The following ARPP19 variants were observed in gnomAD, a reference collection of about 807,000 sequenced individuals.
ARPP19 encodes the protein cAMP regulated phosphoprotein 19.
A neutral mutation model predicts 12.0 loss-of-function variants in ARPP19; 8 were observed. That is an observed-to-expected ratio of 0.67 (90% CI 0.39 to 1.21). The LOEUF (loss-of-function observed/expected upper bound fraction) is 1.21, where lower values mean the gene tolerates loss of function less well. Ranked by LOEUF, ARPP19 falls within the 50% of genes most tolerant of loss-of-function variation. The pLI is 0.01. For synonymous variants in ARPP19, 47 were observed against 50.4 expected (o/e 0.93, Z 0.29); for missense variants, 102 against 136.3 (o/e 0.75, Z 1.25).
rs1026522571 is a variant in ARPP19 at position 52,549,077 on chromosome 15, G to A, written c.*2857C>T. On this transcript the variant is annotated 3_prime_UTR_variant, in exon 3 of 3. Transcript: ENST00000249822. Reference sequence around the variant, plus strand: ...GAACCATGTCAGATGCTGCGTTCAAGAATGAAATGTTCCTCAAAACTGTTC... The same window carrying A: ...GAACCATGTCAGATGCTGCGTTCAAAAATGAAATGTTCCTCAAAACTGTTC... 4 of 152,216 alleles carry A rather than the reference G, an allele frequency of 2.6e-5. No homozygotes were observed. The highest frequency in any genetic ancestry group is 9.7e-5 in the African/African-American group (4 of 41,450). 9.4% of individuals were successfully genotyped at this position (152,216 alleles called of 1,614,324 possible).
chr15:52,565,676 G>A (rs1045533480), intron 1 of ARPP19, among the ~76,000 whole-genome samples: 1 of 152,094 alleles, frequency 6.6e-6, no homozygotes, highest in African/African-American at 2.4e-5. Context: ...CTCTTAAAAG[G>A]GGAACTGAGC....
At chr15:52,559,221 A>G (rs924916329) in intron 1 of ARPP19, among the ~76,000 whole-genome samples, 11 of 152,186 alleles carry the variant, frequency 7.2e-5, no homozygotes, top group African/African-American at 2.7e-4. Flanking sequence ...GCACTTAGCC[A>G]GAAATAGAGA....
rs1263035241 is a variant in ARPP19 at position 52,549,746 on chromosome 15, T to C, written c.*2188A>G. The C allele has an allele frequency of 6.6e-6, 1 of 152,626 alleles. No homozygotes were observed. Among genetic ancestry groups the C allele is most frequent in the Non-Finnish European group, 1.5e-5 (1 of 68,040 alleles). The allele number at this position is 152,626 out of a possible 1,614,324, so 9.5% of individuals were successfully genotyped here. ...AATCTTTCATGTGTGAATTTAATGG[T>C]AATTACTTGCAAATATTCATGAAAA... On this transcript the variant is annotated 3_prime_UTR_variant, in exon 3 of 3. Coordinates refer to ENST00000249822, the MANE Select transcript of ARPP19 (RefSeq NM_006628.6).
At chr15:52,562,502 C>T (rs944735860) in intron 1 of ARPP19, among the ~76,000 whole-genome samples, 1 of 151,876 alleles carries the variant, frequency 6.6e-6, no homozygotes, top group Non-Finnish European at 1.5e-5. Flanking sequence ...TTGGCCTTTA[C>T]AAAAAAAATT....
At chr15:52,562,192 A>C (rs1055085150) in intron 1 of ARPP19, among the ~76,000 whole-genome samples, 1 of 152,180 alleles carries the variant, frequency 6.6e-6, no homozygotes, top group Non-Finnish European at 1.5e-5. Flanking sequence ...GCTATAAAAG[A>C]TAAAGTAGTT....
intron 1 of ARPP19, 148 bp from the exon 2 acceptor site, chr15:52,557,370 A>G: frequency 1.6e-6 from 1 of 639,460 alleles, no homozygotes; most frequent in South Asian, 2.0e-5. Context: ...AGCCTTTAAA[A>G]CATCTCTATC....
intron 2 of ARPP19, 47 bp from the exon 3 acceptor site, chr15:52,552,151 T>C (rs1337601011): frequency 8.8e-7 from 1 of 1,139,748 alleles, no homozygotes; most frequent in African/African-American, 1.5e-5. Flanking sequence ...TAGCAATTAC[T>C]GATTTAAGAT....
At chr15:52,557,359 A>G (rs1184913151) in intron 1 of ARPP19, 137 bp from the exon 2 acceptor site, 4 of 682,512 alleles carry the variant, frequency 5.9e-6, no homozygotes, top group South Asian at 2.0e-5. Flanking sequence ...TCAAACCCAG[A>G]AGCCTTTAAA....
rs1045160022 is a variant in ARPP19, at chr15:52,551,750, G to C, written c.*184C>G. 5.2e-6 allele frequency: 3 copies of C among 574,674 alleles called. No individual in the cohort carries two copies. The highest frequency in any genetic ancestry group is 3.3e-5 in the Admixed American group (1 of 30,580). 35.6% of individuals were successfully genotyped at this position (574,674 alleles called of 1,614,324 possible). On this transcript the variant is annotated 3_prime_UTR_variant, in exon 3 of 3. Transcript: ENST00000249822. ...TTGCTCTAACATGTCCTCTTCACCA[G>C]TGCACTGTTAAACTAATCAAAAACT...
intron 2 of ARPP19, among the ~76,000 whole-genome samples, chr15:52,553,060 G>C (rs2077950523): frequency 6.6e-6 from 1 of 152,074 alleles, no homozygotes; most frequent in Non-Finnish European, 1.5e-5. Flanking sequence ...CTGGGCGACA[G>C]AGCAAGACTC....
chr15:52,551,791 C>G lies in ARPP19; in HGVS notation c.*143G>C, dbSNP rs1407935793. 4.5e-6 allele frequency: 3 copies of G among 664,476 alleles called. No individual in the cohort carries two copies. Among genetic ancestry groups the G allele is most frequent in the Non-Finnish European group, 7.9e-6 (3 of 378,704 alleles). The allele number at this position is 664,476 out of a possible 1,614,324, so 41.2% of individuals were successfully genotyped here. On this transcript the variant is annotated 3_prime_UTR_variant, in exon 3 of 3. Transcript: ENST00000249822. ...ATCAAAAACTCTACACACGTATATT[C>G]CACAATAGCAGCACACACTACTGCT...
intron 2 of ARPP19, among the ~76,000 whole-genome samples, chr15:52,552,807 T>G (rs1430689343): frequency 4.6e-5 from 7 of 152,198 alleles, no homozygotes; most frequent in African/African-American, 1.7e-4. Flanking sequence ...TGGTGGCTCA[T>G]GCCTGTAATC....
chr15:52,565,427 C>A (rs531101467), intron 1 of ARPP19, among the ~76,000 whole-genome samples: 2 of 152,286 alleles, frequency 1.3e-5, no homozygotes, highest in South Asian at 4.1e-4. Flanking sequence ...GTACTCAAAA[C>A]TTTTAAATGT....
In ARPP19 at chr15:52,564,296, C is replaced by A. The variant is rs1169588075; in HGVS notation, c.45+4552G>T. On this transcript the variant is annotated intron_variant, in intron 1 of 2. Coordinates refer to ENST00000249822, the MANE Select transcript of ARPP19 (RefSeq NM_006628.6). ...TGAGGCGGTTGCTCACACCTGCAGT[C>A]CCAGCTACTTGGAGGCTGAGGTGGG... The A allele has an allele frequency of 4.4e-6, 6 of 1,354,588 alleles. No individual in the cohort carries two copies. The African/African-American group carries it at 8.7e-5, about 20-fold the overall frequency. 83.9% of individuals were successfully genotyped at this position (1,354,588 alleles called of 1,614,324 possible). A position where few individuals can be genotyped will look rare whatever the true frequency, so the allele number is the denominator to read the frequency against.
chr15:52,566,807 GT>G (rs1272311497), intron 1 of ARPP19, among the ~76,000 whole-genome samples: 3 of 151,194 alleles, frequency 2.0e-5, no homozygotes. Flanking sequence ...TGTACATATT[GT>G]TTCCTAATAC....
rs769473822 is a variant in ARPP19, at chr15:52,549,995, T to C, written c.*1939A>G. On this transcript the variant is annotated 3_prime_UTR_variant, in exon 3 of 3. Transcript: ENST00000249822. Reference sequence around the variant, plus strand: ...CTCAGAGCACTAGGCAGCCTTTAACTTAAGGTGCTATGTTTGAGGCACCAT... The same window carrying C: ...CTCAGAGCACTAGGCAGCCTTTAACCTAAGGTGCTATGTTTGAGGCACCAT... 6.6e-6 allele frequency: 1 copy of C among 152,602 alleles called. No individual in the cohort carries two copies. The highest frequency in any genetic ancestry group is 1.5e-5 in the Non-Finnish European group (1 of 68,032). The allele number at this position is 152,602 out of a possible 1,614,324, so 9.5% of individuals were successfully genotyped here.
At chr15:52,552,159 G>A in intron 2 of ARPP19, 55 bp from the exon 3 acceptor site, 1 of 1,020,404 alleles carries the variant, frequency 9.8e-7, no homozygotes, top group Non-Finnish European at 1.5e-6. Context: ...ACTGATTTAA[G>A]ATGTCGATGC....
chr15:52,565,150 G>A (rs1438804288), intron 1 of ARPP19, among the ~76,000 whole-genome samples: 1 of 151,520 alleles, frequency 6.6e-6, no homozygotes, highest in African/African-American at 2.4e-5. Context: ...TGGAGGTCAA[G>A]TGATCCTCCC....
rs1040153154 is a variant in ARPP19 at position 52,547,679 on chromosome 15, A to AGGTGTG, written c.*4249_*4254dup. On this transcript the variant is annotated 3_prime_UTR_variant, in exon 3 of 3. Coordinates refer to ENST00000249822, the MANE Select transcript of ARPP19 (RefSeq NM_006628.6). Reference sequence around the variant, plus strand: ...AGATATCTTTGATTACAATTTTATAAGGTGTGGTGGGGAATTGAGAGGAGA... The same window carrying AGGTGTG: ...AGATATCTTTGATTACAATTTTATAAGGTGTGGGTGTGGTGGGGAATTGAGAGGAGA... The AGGTGTG allele has an allele frequency of 3.1e-4, 47 of 152,358 alleles. No individual in the cohort carries two copies. The highest frequency in any genetic ancestry group is 9.9e-4 in the African/African-American group (41 of 41,574). 9.4% of individuals were successfully genotyped at this position (152,358 alleles called of 1,614,324 possible). A position where few individuals can be genotyped will look rare whatever the true frequency, so the allele number is the denominator to read the frequency against.
Sources: allele counts gnomAD v4.1 joint callset (sites outside exome capture counted in the v4.1 genomes callset), GRCh38; gene constraint gnomAD v4.1.1; transcripts MANE v1.5; gene names NCBI Gene and HGNC (gene_info 2026-07-23, HGNC 2026-07-21).